The following VPS53 variants were observed in gnomAD, a reference collection of about 807,000 sequenced individuals.
The protein encoded by VPS53 is VPS53 subunit of GARP complex, also known as vacuolar protein sorting-associated protein 53 homolog.
In VPS53, 70 loss-of-function variants were observed where a neutral mutation model predicts 107.0. That is an observed-to-expected ratio of 0.65 (90% CI 0.54 to 0.80). The LOEUF is 0.80. VPS53 is among the 30% of genes least tolerant of loss of function. The pLI, the probability that VPS53 is intolerant of heterozygous loss-of-function variation, is 0.00. For synonymous variants in VPS53, 409 were observed against 393.3 expected (o/e 1.04, Z -0.47); for missense variants, 917 against 1,049.4 (o/e 0.87, Z 1.74).
intron 18 of VPS53, 129 bp downstream of exon 18, chr17:536,899 G>A (rs1188088794): frequency 6.0e-6 from 7 of 1,165,960 alleles, no homozygotes; most frequent in South Asian, 1.6e-5. Context: ...TGTGCATGTT[G>A]GGGGGGTCAG....
At chr17:673,407 C>G (rs1972042098) in intron 4 of VPS53, among the ~76,000 whole-genome samples, 1 of 152,248 alleles carries the variant, frequency 6.6e-6, no homozygotes, top group South Asian at 2.1e-4. Flanking sequence ...GCAATGCTAA[C>G]AATGCAGCCC....
At chr17:646,901 G>A (rs1322503280) in intron 7 of VPS53, among the ~76,000 whole-genome samples, 1 of 152,044 alleles carries the variant, frequency 6.6e-6, no homozygotes, top group Non-Finnish European at 1.5e-5. Context: ...TGACCGCGTG[G>A]CCACTGCCTC....
intron 4 of VPS53, among the ~76,000 whole-genome samples, chr17:679,301 G>T (rs1297732721): frequency 1.3e-5 from 2 of 151,738 alleles, no homozygotes; most frequent in Admixed American, 1.3e-4. Flanking sequence ...AGATCACGAG[G>T]TCAGGAGATT....
At chr17:675,140 T>C (rs958852085) in intron 4 of VPS53, 3 of 152,160 alleles carry the variant, frequency 2.0e-5, no homozygotes, top group Non-Finnish European at 2.9e-5. Context: ...ACATCCTTAA[T>C]TACAGAGATC....
intron 11 of VPS53, among the ~76,000 whole-genome samples, chr17:608,433 G>C (rs1968682834): frequency 6.6e-6 from 1 of 152,086 alleles, no homozygotes; most frequent in Admixed American, 6.5e-5. Flanking sequence ...CAAAAAGCCT[G>C]CGTATATGTG....
rs900537693 is a variant in VPS53 at position 521,665 on chromosome 17, T to G, written c.2159A>C (p.Lys720Thr). 19 of 1,550,736 alleles carry G rather than the reference T, an allele frequency of 1.2e-5. No individual in the cohort carries two copies. The highest frequency in any genetic ancestry group is 1.7e-5 in the Non-Finnish European group (19 of 1,146,410). Residue 720 changes from lysine to threonine, a missense_variant, in exon 20 of 22, where the codon AAG becomes ACG. Transcript: ENST00000437048. ...LPSISSQVVR[K>T]APASYTKIVV... ...GATCTTGGTGTAGCTGGCGGGTGCC[T>G]TCCTCACCACCTGCGAGCTGATGGA... is the stretch of plus-strand genomic sequence containing the variant.
chr17:611,731 T>C (rs938878078), intron 11 of VPS53, among the ~76,000 whole-genome samples: 2 of 151,804 alleles, frequency 1.3e-5, no homozygotes, highest in African/African-American at 2.4e-5. Context: ...AATATTCACA[T>C]AGTGAGTTCA....
intron 1 of VPS53, among the ~76,000 whole-genome samples, chr17:713,014 T>G (rs1471616945): frequency 6.6e-6 from 1 of 152,162 alleles, no homozygotes; most frequent in Admixed American, 6.6e-5. Flanking sequence ...AGGACAAAGT[T>G]GGTTGTATAA....
At chr17:635,728 A>G (rs892146610) in intron 7 of VPS53, among the ~76,000 whole-genome samples, 20 of 152,084 alleles carry the variant, frequency 1.3e-4, no homozygotes, top group Non-Finnish European at 1.8e-4. Context: ...ATTATTTCTG[A>G]GGGCTCTGTT....
chr17:596,845 G>A (rs1408771951), intron 12 of VPS53, among the ~76,000 whole-genome samples: 2 of 152,162 alleles, frequency 1.3e-5, no homozygotes, highest in Non-Finnish European at 1.5e-5. Flanking sequence ...TGTGAATTCT[G>A]TCCAAAAGCT....
At chr17:575,277 T>C (rs1464035612) in intron 13 of VPS53, among the ~76,000 whole-genome samples, 1 of 152,228 alleles carries the variant, frequency 6.6e-6, no homozygotes, top group Non-Finnish European at 1.5e-5. Flanking sequence ...CATGTGAAGT[T>C]TCTAATTGAA....
chr17:713,897 T>C (rs1385615584), intron 1 of VPS53, among the ~76,000 whole-genome samples: 12 of 146,768 alleles, frequency 8.2e-5, no homozygotes, highest in African/African-American at 3.0e-4. Flanking sequence ...AAAAAAAAAT[T>C]AGCCGGGTGT....
intron 4 of VPS53, among the ~76,000 whole-genome samples, chr17:681,760 G>A (rs1284295297): frequency 6.6e-6 from 1 of 152,192 alleles, no homozygotes; most frequent in Non-Finnish European, 1.5e-5. Flanking sequence ...GGAGGCACCA[G>A]GAGATCTGGT....
chr17:644,654 G>C (rs564577365), intron 7 of VPS53, among the ~76,000 whole-genome samples: 1 of 151,782 alleles, frequency 6.6e-6, no homozygotes, highest in East Asian at 2.0e-4. Context: ...CACAGTCTCG[G>C]CTCACTGCAG....
chr17:533,149 C>CT (rs1241947406), intron 18 of VPS53, among the ~76,000 whole-genome samples: 4 of 152,220 alleles, frequency 2.6e-5, no homozygotes, highest in South Asian at 2.1e-4. Context: ...CCAGTGAACT[C>CT]TAACTATTCT....
At chr17:603,576 G>C (rs151024053) in intron 11 of VPS53, among the ~76,000 whole-genome samples, 1 of 149,718 alleles carries the variant, frequency 6.7e-6, no homozygotes, top group Non-Finnish European at 1.5e-5. Flanking sequence ...ATACAGCCTC[G>C]GTGCATGACA....
chr17:689,200 G>A (rs1323589916), intron 4 of VPS53, among the ~76,000 whole-genome samples: 2 of 152,166 alleles, frequency 1.3e-5, no homozygotes, highest in Non-Finnish European at 2.9e-5. Context: ...TAAAGTGAGG[G>A]AGGATAAGAA....
chr17:614,876 T>C (rs1054291190), intron 11 of VPS53, among the ~76,000 whole-genome samples: 2 of 152,206 alleles, frequency 1.3e-5, no homozygotes, highest in African/African-American at 4.8e-5. Flanking sequence ...AGGCAACTTA[T>C]GCAGTGGTCA....
rs542923543 is a variant in VPS53 at position 588,093 on chromosome 17, G to A, written c.1219-1729C>T. 6.6e-5 allele frequency among the ~76,000 whole-genome samples: 10 copies of A among 152,246 alleles called. No individual in the cohort carries two copies. In the South Asian group the frequency reaches 1.2e-3, roughly 19 times the overall value. ...AGCACTTTGGGAGGCCAAGGTGGGCGGATCACAAGGTCAGGAGTTCAAGAC... is the reference window on the plus strand; with the variant it reads ...AGCACTTTGGGAGGCCAAGGTGGGCAGATCACAAGGTCAGGAGTTCAAGAC... On this transcript the variant is annotated intron_variant, in intron 12 of 21. Coordinates refer to ENST00000437048, the MANE Select transcript of VPS53 (RefSeq NM_001128159.3).
Sources: allele counts gnomAD v4.1 joint callset (sites outside exome capture counted in the v4.1 genomes callset), GRCh38; gene constraint gnomAD v4.1.1; transcripts MANE v1.5; gene names NCBI Gene and HGNC (gene_info 2026-07-23, HGNC 2026-07-21).